The following AKAP19 variants were observed in gnomAD, a reference collection of about 807,000 sequenced individuals.
The protein encoded by AKAP19 is A-kinase anchoring protein 19.
the AKAP19 span, among the ~76,000 whole-genome samples, chr2:190,130,912 G>A: frequency 6.6e-6 from 1 of 152,122 alleles, no homozygotes; most frequent in Non-Finnish European, 1.5e-5. Flanking sequence ...TGCTATATTT[G>A]TTGTATAAAT....
the AKAP19 span, among the ~76,000 whole-genome samples, chr2:189,894,307 T>C: frequency 6.6e-6 from 1 of 152,222 alleles, no homozygotes; most frequent in Non-Finnish European, 1.5e-5. Context: ...AACACATTTA[T>C]GAAGTAATAT....
the AKAP19 span, among the ~76,000 whole-genome samples, chr2:190,089,138 G>T: frequency 6.6e-6 from 1 of 152,096 alleles, no homozygotes; most frequent in Non-Finnish European, 1.5e-5. Flanking sequence ...TTTTCCATCT[G>T]AGACATAGAC....
At chr2:190,158,271 C>G in the AKAP19 span, among the ~76,000 whole-genome samples, 1 of 152,294 alleles carries the variant, frequency 6.6e-6, no homozygotes, top group African/African-American at 2.4e-5. Context: ...AAAGCCCTTC[C>G]TTATACAACT....
the AKAP19 span, among the ~76,000 whole-genome samples, chr2:190,107,947 T>G: frequency 6.6e-6 from 1 of 152,194 alleles, no homozygotes; most frequent in Non-Finnish European, 1.5e-5. Context: ...AGAAGTTAAG[T>G]AACTTGCTCA....
At chr2:190,172,711 G>T in the AKAP19 span, among the ~76,000 whole-genome samples, 1 of 152,120 alleles carries the variant, frequency 6.6e-6, no homozygotes, top group Non-Finnish European at 1.5e-5. Flanking sequence ...ACTCAGGCCT[G>T]GTTCAAATTC....
chr2:190,088,689 A>T, the AKAP19 span, among the ~76,000 whole-genome samples: 1 of 152,238 alleles, frequency 6.6e-6, no homozygotes, highest in African/African-American at 2.4e-5. Flanking sequence ...TTAGTTAACT[A>T]GATCAAGTGA....
At chr2:190,057,452 C>T in the AKAP19 span, 2 of 1,613,564 alleles carry the variant, frequency 1.2e-6, no homozygotes, top group Non-Finnish European at 1.7e-6. Context: ...AATTCACACT[C>T]TCCAGAGCAG....
At chr2:189,956,595 T>C in the AKAP19 span, among the ~76,000 whole-genome samples, 5 of 152,170 alleles carry the variant, frequency 3.3e-5, no homozygotes, top group East Asian at 9.7e-4. Flanking sequence ...TAATTTTTTT[T>C]TGAGATAGGG....
At chr2:189,950,436 A>G in the AKAP19 span, among the ~76,000 whole-genome samples, 2 of 150,264 alleles carry the variant, frequency 1.3e-5, no homozygotes, top group Non-Finnish European at 2.9e-5. Flanking sequence ...CTGTTAACTG[A>G]TTGTGAAGAG....
chr2:189,980,645 C>T, the AKAP19 span, among the ~76,000 whole-genome samples: 1 of 152,170 alleles, frequency 6.6e-6, no homozygotes, highest in Admixed American at 6.5e-5. Flanking sequence ...CAAATTTTCA[C>T]TTATAAGTGA....
chr2:190,134,810 T>C, the AKAP19 span, among the ~76,000 whole-genome samples: 1 of 144,574 alleles, frequency 6.9e-6, no homozygotes, highest in East Asian at 1.9e-4. Flanking sequence ...TACTATTCTA[T>C]ATTGTTAAAT....
the AKAP19 span, among the ~76,000 whole-genome samples, chr2:189,965,492 T>A: frequency 6.6e-6 from 1 of 151,924 alleles, no homozygotes; most frequent in African/African-American, 2.4e-5. Flanking sequence ...ACCAAGTACA[T>A]GAATAGAAAA....
At chr2:189,916,286 A>G in the AKAP19 span, among the ~76,000 whole-genome samples, 1 of 151,070 alleles carries the variant, frequency 6.6e-6, no homozygotes, top group Non-Finnish European at 1.5e-5. Context: ...CATATATTAT[A>G]CTTCTATAAT....
the AKAP19 span, among the ~76,000 whole-genome samples, chr2:190,122,798 C>T: frequency 1.3e-5 from 2 of 149,886 alleles, no homozygotes; most frequent in Non-Finnish European, 3.0e-5. Context: ...TGATGATCAC[C>T]TCTCTCTCTC....
the AKAP19 span, among the ~76,000 whole-genome samples, chr2:189,956,044 C>T: frequency 6.6e-6 from 1 of 151,844 alleles, no homozygotes; most frequent in Non-Finnish European, 1.5e-5. Context: ...GCATATGCTT[C>T]TCTATTTTGG....
chr2:190,149,857 T>A, the AKAP19 span, among the ~76,000 whole-genome samples: 1 of 152,236 alleles, frequency 6.6e-6, no homozygotes, highest in Admixed American at 6.5e-5. Flanking sequence ...ATATTTTAAA[T>A]CCACTGTTTC....
chr2:190,173,294 G>A, the AKAP19 span, among the ~76,000 whole-genome samples: 1 of 152,126 alleles, frequency 6.6e-6, no homozygotes, highest in Non-Finnish European at 1.5e-5. Flanking sequence ...TTCGTACATA[G>A]ATAGTTTCTT....
At chr2:190,079,856 GGTGTGTGTGTGTGTGTGTGT>G in the AKAP19 span, 65 of 139,668 alleles carry the variant, frequency 4.7e-4, 1 homozygote, top group African/African-American at 1.5e-3. Context: ...AAAAATGAGG[GGTGTGTGTGTGTGTGTGTGT>G]GTGTGTGTGT....
At chr2:190,059,320 A>G in the AKAP19 span, among the ~76,000 whole-genome samples, 35 of 152,130 alleles carry the variant, frequency 2.3e-4, no homozygotes, top group African/African-American at 8.2e-4. Context: ...TTTGTGATAT[A>G]TAAGGTATTG....
Sources: gnomAD v4.1 joint callset for allele counts (sites outside exome capture counted in the v4.1 genomes callset) on GRCh38, gnomAD v4.1.1 for gene constraint, MANE v1.5 for transcripts, NCBI Gene and HGNC (gene_info 2026-07-23, HGNC 2026-07-21) for gene names.